RCOR1: variants seen among roughly 807,000 people sequenced by gnomAD.
RCOR1 encodes the protein REST corepressor 1, also known as REST corepressor.
RCOR1 carries 12 observed loss-of-function variants against 64.0 expected under a neutral mutation model. The observed-to-expected ratio is 0.19, with a 90% confidence interval of 0.12 to 0.30. The LOEUF is 0.30. Ranked by LOEUF, RCOR1 falls within the 10% of genes least tolerant of loss-of-function variation. The pLI is 1.00. For synonymous variants in RCOR1, 279 were observed against 227.2 expected (o/e 1.23, Z -2.05); for missense variants, 502 against 621.2 (o/e 0.81, Z 2.04).
At chr14:102,642,051 T>A (rs993333769) in intron 2 of RCOR1, among the ~76,000 whole-genome samples, 2 of 152,178 alleles carry the variant, frequency 1.3e-5, no homozygotes, top group Non-Finnish European at 2.9e-5. Flanking sequence ...GGTCCATTAT[T>A]TGGGGACAAG....
At chr14:102,726,347 A>C in intron 11 of RCOR1, 121 bp from the exon 12 acceptor site, 1 of 826,040 alleles carries the variant, frequency 1.2e-6, no homozygotes, top group Non-Finnish European at 1.9e-6. Context: ...AAAAAAAAGA[A>C]CTCGGTGTTT....
At chr14:102,628,465 C>T (rs1329255690) in intron 2 of RCOR1, among the ~76,000 whole-genome samples, 2 of 151,948 alleles carry the variant, frequency 1.3e-5, no homozygotes, top group African/African-American at 4.8e-5. Flanking sequence ...TTTTCTCTCT[C>T]TCTCTCTCTT....
chr14:102,597,890 T>G lies in RCOR1; in HGVS notation c.361+4565T>G, dbSNP rs1893296507. Among the ~76,000 whole-genome samples, 4 of 151,188 alleles carry G rather than the reference T, an allele frequency of 2.6e-5. No homozygotes were observed. The South Asian group carries it at 8.4e-4, about 32-fold the overall frequency. ...GGGGTGCAATGGCATGATCTCGATCTCGGCTCACCTCAACCTCCACCTCTC... is the reference window on the plus strand; with the variant it reads ...GGGGTGCAATGGCATGATCTCGATCGCGGCTCACCTCAACCTCCACCTCTC... On this transcript the variant is annotated intron_variant, in intron 2 of 11. Coordinates refer to ENST00000262241, the MANE Select transcript of RCOR1 (RefSeq NM_015156.4).
At chr14:102,671,860 C>T (rs2139949189) in intron 2 of RCOR1, among the ~76,000 whole-genome samples, 2 of 152,262 alleles carry the variant, frequency 1.3e-5, no homozygotes, top group South Asian at 4.1e-4. Context: ...TTTCAAATGC[C>T]CTACAGCCTC....
chr14:102,676,127 G>T (rs895848667), intron 2 of RCOR1, among the ~76,000 whole-genome samples: 2 of 148,934 alleles, frequency 1.3e-5, no homozygotes. Flanking sequence ...CACAGACCCG[G>T]CAACCATCCG....
chr14:102,611,709 C>T (rs993540114), intron 2 of RCOR1, among the ~76,000 whole-genome samples: 2 of 152,094 alleles, frequency 1.3e-5, no homozygotes, highest in Non-Finnish European at 2.9e-5. Context: ...GAGTCAAAAT[C>T]CTTTTGGGGA....
Position 102,644,916 on chromosome 14 carries a change from C to A in RCOR1, c.362-36979C>A, listed in dbSNP as rs60536874. On this transcript the variant is annotated intron_variant, in intron 2 of 11. Transcript: ENST00000262241. ...AATTTTGTTTTGTCTTCTGAGTTAC[C>A]CTTTTCCCTAAGAAATGGCTGATTT... Among the ~76,000 whole-genome samples the A allele has an allele frequency of 2.6e-4, 39 of 152,254 alleles. No individual in the cohort carries two copies. The East Asian group carries it at 2.7e-3, about 11-fold the overall frequency.
intron 2 of RCOR1, among the ~76,000 whole-genome samples, chr14:102,677,004 CG>C (rs1895184331): frequency 2.7e-5 from 3 of 111,248 alleles, no homozygotes; most frequent in Non-Finnish European, 5.6e-5. Context: ...CCTCACCTCC[CG>C]GACGGGGCGG....
chr14:102,678,458 C>T lies in RCOR1; in HGVS notation c.362-3437C>T, dbSNP rs544537038. 9.9e-5 allele frequency among the ~76,000 whole-genome samples: 15 copies of T among 152,218 alleles called. No homozygotes were observed. The South Asian group carries it at 2.5e-3, about 25-fold the overall frequency. On this transcript the variant is annotated intron_variant, in intron 2 of 11. Coordinates refer to ENST00000262241, the MANE Select transcript of RCOR1 (RefSeq NM_015156.4). ...GGGTCTGCAGGCACACACCACCACA[C>T]CTGGCTAATTTTTGTATTTTTGTGG...
intron 2 of RCOR1, among the ~76,000 whole-genome samples, chr14:102,673,268 A>G (rs868364637): frequency 2.0e-5 from 3 of 151,644 alleles, no homozygotes; most frequent in Admixed American, 2.0e-4. Flanking sequence ...TGATAGCTGT[A>G]GATCTGATTT....
chr14:102,657,193 C>T, intron 2 of RCOR1: 1 of 984,602 alleles, frequency 1.0e-6, no homozygotes, highest in Non-Finnish European at 1.2e-6. Context: ...GATATCTTTG[C>T]AAAGTGTTGT....
intron 2 of RCOR1, among the ~76,000 whole-genome samples, chr14:102,671,835 A>G (rs1895037415): frequency 6.6e-6 from 1 of 152,234 alleles, no homozygotes; most frequent in Admixed American, 6.5e-5. Context: ...ACCTGTTAGC[A>G]GTGGCACCCT....
At chr14:102,669,543 G>T (rs1272438980) in intron 2 of RCOR1, among the ~76,000 whole-genome samples, 1 of 152,034 alleles carries the variant, frequency 6.6e-6, no homozygotes, top group Non-Finnish European at 1.5e-5. Context: ...TAGCATAATG[G>T]TTAACACCAC....
intron 2 of RCOR1, among the ~76,000 whole-genome samples, chr14:102,628,517 C>A (rs28415789): frequency 0.012 from 1,789 of 150,990 alleles, 33 homozygotes; most frequent in African/African-American, 0.042. Context: ...TGCTCTGTTG[C>A]CCAGTGACTC....
intron 2 of RCOR1, among the ~76,000 whole-genome samples, chr14:102,605,330 C>T (rs1893483574): frequency 6.6e-6 from 1 of 152,142 alleles, no homozygotes; most frequent in Non-Finnish European, 1.5e-5. Context: ...AAATAGTCAT[C>T]TTCACAACTT....
chr14:102,679,309 TA>T (rs953891784), intron 2 of RCOR1, among the ~76,000 whole-genome samples: 5 of 151,700 alleles, frequency 3.3e-5, no homozygotes, highest in African/African-American at 1.2e-4. Flanking sequence ...CAAATTTTTT[TA>T]AAAAAATGTT....
chr14:102,605,401 A>G (rs1893484708), intron 2 of RCOR1, among the ~76,000 whole-genome samples: 1 of 152,220 alleles, frequency 6.6e-6, no homozygotes, highest in African/African-American at 2.4e-5. Flanking sequence ...ACTGAAGGCT[A>G]TACATACAGT....
intron 11 of RCOR1, among the ~76,000 whole-genome samples, chr14:102,723,071 A>T (rs907684005): frequency 6.6e-6 from 1 of 152,152 alleles, no homozygotes; most frequent in Non-Finnish European, 1.5e-5. Flanking sequence ...TTGCTGTTAC[A>T]TTTGTCCCTC....
chr14:102,606,523 C>A (rs1339577802), intron 2 of RCOR1, among the ~76,000 whole-genome samples: 2 of 152,046 alleles, frequency 1.3e-5, no homozygotes, highest in Non-Finnish European at 1.5e-5. Flanking sequence ...TAGTTTTGAT[C>A]TTACTCAGTA....
Sources: gnomAD v4.1 joint callset for allele counts (sites outside exome capture counted in the v4.1 genomes callset) on GRCh38, gnomAD v4.1.1 for gene constraint, MANE v1.5 for transcripts, NCBI Gene and HGNC (gene_info 2026-07-23, HGNC 2026-07-21) for gene names.